TAOK1: variants seen among roughly 807,000 people sequenced by gnomAD.
TAOK1 encodes TAO kinase 1.
In TAOK1, 21 loss-of-function variants were observed where a neutral mutation model predicts 138.3. The observed-to-expected ratio is 0.15, with a 90% CI of 0.11 to 0.22. TAOK1 has a LOEUF of 0.22. Ranked by LOEUF, TAOK1 falls within the 10% of genes least tolerant of loss-of-function variation. The pLI is 1.00. For synonymous variants in TAOK1, 361 were observed against 398.4 expected (o/e 0.91, Z 1.12); for missense variants, 651 against 1,227.7 (o/e 0.53, Z 7.02).
intron 7 of TAOK1, among the ~76,000 whole-genome samples, chr17:29,481,764 C>G (rs988092595): frequency 6.6e-6 from 1 of 151,918 alleles, no homozygotes; most frequent in Non-Finnish European, 1.5e-5. Flanking sequence ...TCGAGACCAT[C>G]CTGGCTAACA....
At chr17:29,470,704 A>G (rs934863261) in intron 3 of TAOK1, among the ~76,000 whole-genome samples, 8 of 152,236 alleles carry the variant, frequency 5.3e-5, no homozygotes, top group Admixed American at 2.6e-4. Context: ...TGTAAATTAT[A>G]TAATTGAGTT....
chr17:29,397,627 T>TACATGTATACATGTATATTCATGTATG (rs1555555323), intron 1 of TAOK1, among the ~76,000 whole-genome samples: 9 of 44,754 alleles, frequency 2.0e-4, no homozygotes, highest in African/African-American at 1.2e-3. Context: ...TATATATATA[T>TACATGTATACATGTATATTCATGTATG]ATACATGTAT....
intron 3 of TAOK1, among the ~76,000 whole-genome samples, chr17:29,475,031 C>T (rs2030912692): frequency 6.6e-6 from 1 of 152,152 alleles, no homozygotes; most frequent in South Asian, 2.1e-4. Flanking sequence ...ACCTCCACCT[C>T]CCGTGTTCAA....
chr17:29,397,660 G>T (rs1162237675), intron 1 of TAOK1, among the ~76,000 whole-genome samples: 1 of 101,296 alleles, frequency 9.9e-6, no homozygotes, highest in Admixed American at 1.0e-4. Context: ...GTATATTCAT[G>T]TATGATACAT....
intron 1 of TAOK1, among the ~76,000 whole-genome samples, chr17:29,442,640 TA>T (rs2029975385): frequency 6.6e-6 from 1 of 152,212 alleles, no homozygotes; most frequent in South Asian, 2.1e-4. Flanking sequence ...TTAAATAGGA[TA>T]GTATGGTTAA....
At chr17:29,437,997 G>A (rs533385908) in intron 1 of TAOK1, among the ~76,000 whole-genome samples, 107 of 152,234 alleles carry the variant, frequency 7.0e-4, no homozygotes, top group African/African-American at 2.5e-3. Context: ...CTCCCAAAGT[G>A]CTGGGATTAC....
intron 2 of TAOK1, among the ~76,000 whole-genome samples, chr17:29,455,649 A>G (rs1425979708): frequency 6.7e-6 from 1 of 149,932 alleles, no homozygotes; most frequent in East Asian, 1.9e-4. Context: ...AGTTCCCTTT[A>G]TTCCTGTTTT....
rs2030975536 is a variant in TAOK1, at chr17:29,477,641, T to G, written c.307-20T>G. On this transcript the variant is annotated intron_variant, in intron 4 of 19. Transcript: ENST00000261716. Reference sequence around the variant, plus strand: ...CTTTATAATAATATATTTTAATGCTTTTATAACTTTTCCATGTAGCTTGTA... The same window carrying G: ...CTTTATAATAATATATTTTAATGCTGTTATAACTTTTCCATGTAGCTTGTA... The G allele has an allele frequency of 3.0e-6, 4 of 1,316,264 alleles. No individual in the cohort carries two copies. In the East Asian group the frequency reaches 1.2e-4, roughly 38 times the overall value. The allele number at this position is 1,316,264 out of a possible 1,614,324, so 81.5% of individuals were successfully genotyped here.
At chr17:29,478,401 A>G (rs1381241603) in intron 6 of TAOK1, 54 bp downstream of exon 6, 3 of 1,241,456 alleles carry the variant, frequency 2.4e-6, no homozygotes, top group Non-Finnish European at 3.3e-6. Context: ...TGCATATACC[A>G]ACTTTAGAAT....
chr17:29,422,885 C>T (rs1031035838), intron 1 of TAOK1, among the ~76,000 whole-genome samples: 2 of 152,010 alleles, frequency 1.3e-5, no homozygotes, highest in Admixed American at 6.6e-5. Context: ...ATTAACCGGG[C>T]GTGGTGGCAG....
chr17:29,417,302 A>T (rs1431582237), intron 1 of TAOK1, among the ~76,000 whole-genome samples: 1 of 152,224 alleles, frequency 6.6e-6, no homozygotes, highest in Non-Finnish European at 1.5e-5. Flanking sequence ...GGCGTGAGCC[A>T]CCGCGCCCAG....
intron 19 of TAOK1, among the ~76,000 whole-genome samples, chr17:29,540,240 C>A (rs2032293506): frequency 1.3e-5 from 2 of 152,206 alleles, no homozygotes; most frequent in South Asian, 2.1e-4. Flanking sequence ...ATGGAATATT[C>A]TTCTCAGGGA....
intron 19 of TAOK1, among the ~76,000 whole-genome samples, chr17:29,539,324 G>A (rs531102929): frequency 7.3e-4 from 111 of 152,190 alleles, no homozygotes; most frequent in African/African-American, 2.5e-3. Flanking sequence ...AGGCCGGATC[G>A]CTTGAGATCA....
chr17:29,502,473 T>C, intron 12 of TAOK1, 116 bp from the exon 13 acceptor site: 1 of 1,250,520 alleles, frequency 8.0e-7, no homozygotes, highest in Non-Finnish European at 1.1e-6. Flanking sequence ...TGGCTTTGCT[T>C]TTTAAAATTA....
chr17:29,529,749 C>G (rs2150771669), intron 17 of TAOK1, among the ~76,000 whole-genome samples: 1 of 152,134 alleles, frequency 6.6e-6, no homozygotes, highest in South Asian at 2.1e-4. Flanking sequence ...GCCTGTAATC[C>G]CAGCTATTCG....
At chr17:29,535,563 A>T (rs2032207484) in intron 19 of TAOK1, among the ~76,000 whole-genome samples, 1 of 152,208 alleles carries the variant, frequency 6.6e-6, no homozygotes, top group East Asian at 1.9e-4. Flanking sequence ...AAAGTAAAAA[A>T]TATCTTTTAA....
chr17:29,443,522 A>G (rs1241237494), intron 1 of TAOK1, among the ~76,000 whole-genome samples: 1 of 152,222 alleles, frequency 6.6e-6, no homozygotes, highest in Non-Finnish European at 1.5e-5. Flanking sequence ...CACCACCCAC[A>G]AAAATTATGT....
At chr17:29,502,847 T>C in intron 13 of TAOK1, 124 bp downstream of exon 13, 1 of 1,043,388 alleles carries the variant, frequency 9.6e-7, no homozygotes, top group Non-Finnish European at 1.3e-6. Flanking sequence ...TCATTTAATA[T>C]TTAAGTGCCT....
chr17:29,398,095 G>A (rs1249151796), intron 1 of TAOK1, among the ~76,000 whole-genome samples: 1 of 152,056 alleles, frequency 6.6e-6, no homozygotes, highest in Non-Finnish European at 1.5e-5. Flanking sequence ...TCAAACTCAT[G>A]GGGGCTCAGG....
Sources: allele counts gnomAD v4.1 joint callset (sites outside exome capture counted in the v4.1 genomes callset), GRCh38; gene constraint gnomAD v4.1.1; transcripts MANE v1.5; gene names NCBI Gene and HGNC (gene_info 2026-07-23, HGNC 2026-07-21).